Variants in REV3L observed in about 807,000 individuals in gnomAD.
REV3L encodes the protein DNA polymerase zeta catalytic subunit.
A neutral mutation model predicts 299.4 loss-of-function variants in REV3L; 69 were observed. That is an observed-to-expected ratio of 0.23 (90% CI 0.19 to 0.28). The LOEUF is 0.28. Among genes scored for constraint, REV3L ranks in the 10% least tolerant of loss-of-function variants. The pLI, the probability that REV3L is intolerant of heterozygous loss-of-function variation, is 1.00. For missense variants in REV3L, 3,128 were observed against 3,693.8 expected (o/e 0.85, Z 3.97); for synonymous variants, 1,238 against 1,271.4 (o/e 0.97, Z 0.56).
chr6:111,463,755 T>TATATGTGATTTCACTTAAAGTCACA (rs1791075061), intron 1 of REV3L, among the ~76,000 whole-genome samples: 1 of 152,196 alleles, frequency 6.6e-6, no homozygotes, highest in East Asian at 1.9e-4. Context: ...ACGGTTTCAT[T>TATATGTGATTTCACTTAAAGTCACA]ATATGTGATT....
At chr6:111,307,894 T>A (rs1249576553) in intron 30 of REV3L, 1 of 299,742 alleles carries the variant, frequency 3.3e-6, no homozygotes, top group Non-Finnish European at 6.4e-6. Context: ...CATCAACTCA[T>A]CATTTACATT....
chr6:111,391,327 A>C (rs1781908648), intron 5 of REV3L, among the ~76,000 whole-genome samples: 2 of 152,154 alleles, frequency 1.3e-5, no homozygotes, highest in Admixed American at 1.3e-4. Context: ...CGGCCTCCCA[A>C]AGTGCTGGAA....
rs1320595726 is a variant in REV3L, at chr6:111,333,375, G to A, written c.7681-8C>T. 1.2e-6 allele frequency: 2 copies of A among 1,611,870 alleles called. No homozygotes were observed. Among genetic ancestry groups the A allele is most frequent in the Admixed American group, 3.3e-5 (2 of 59,948 alleles). On this transcript the variant is annotated splice_region_variant and splice_polypyrimidine_tract_variant and intron_variant, in intron 22 of 31. Coordinates refer to ENST00000368802, the MANE Select transcript of REV3L (RefSeq NM_001372078.1). Reference sequence around the variant, plus strand: ...CATTGATTCCACACGGTACTGCAGGGAGAAAGGGAGGTGAGAAGAGAAGAA... The same window carrying A: ...CATTGATTCCACACGGTACTGCAGGAAGAAAGGGAGGTGAGAAGAGAAGAA...
chr6:111,382,598 A>G (rs1780941620), intron 9 of REV3L, among the ~76,000 whole-genome samples: 1 of 152,220 alleles, frequency 6.6e-6, no homozygotes, highest in Non-Finnish European at 1.5e-5. Context: ...CCTGAGTTGC[A>G]GCCAGCCTTA....
chr6:111,364,101 C>T lies in REV3L; in HGVS notation c.6754-123G>A, dbSNP rs1778967874. ...TTAGTAATAAATGGTAAACTAATATCATCTCTAAGTTCAAGAACAAACTGT... is the reference window on the plus strand; with the variant it reads ...TTAGTAATAAATGGTAAACTAATATTATCTCTAAGTTCAAGAACAAACTGT... On this transcript the variant is annotated intron_variant, in intron 15 of 31. Transcript: ENST00000368802. 3 of 1,290,314 alleles carry T rather than the reference C, an allele frequency of 2.3e-6. No homozygotes were observed. The East Asian group carries it at 7.4e-5, about 32-fold the overall frequency. The allele number at this position is 1,290,314 out of a possible 1,614,324, so 79.9% of individuals were successfully genotyped here.
intron 1 of REV3L, among the ~76,000 whole-genome samples, chr6:111,435,222 C>G (rs1787414050): frequency 6.6e-6 from 1 of 152,062 alleles, no homozygotes; most frequent in African/African-American, 2.4e-5. Context: ...AACAAAACAA[C>G]AAAACAATTC....
At chr6:111,304,942 CTT>C (rs748453480) in intron 31 of REV3L, among the ~76,000 whole-genome samples, 30 of 136,274 alleles carry the variant, frequency 2.2e-4, no homozygotes, top group East Asian at 4.2e-4. Flanking sequence ...GTTCTTTGTT[CTT>C]TTTTTTTTTT....
At chr6:111,396,110 T>C (rs1348052535) in intron 4 of REV3L, among the ~76,000 whole-genome samples, 13 of 152,188 alleles carry the variant, frequency 8.5e-5, no homozygotes, top group Admixed American at 8.5e-4. Context: ...TACTGTAACC[T>C]CCGCCTCCTG....
At chr6:111,359,237 A>G (rs1473329777) in intron 16 of REV3L, among the ~76,000 whole-genome samples, 2 of 152,116 alleles carry the variant, frequency 1.3e-5, no homozygotes, top group Non-Finnish European at 2.9e-5. Context: ...TCTGCTCTCA[A>G]TGACAATATT....
rs55902424 is a variant in REV3L, at chr6:111,397,944, A to C, written c.566-4972T>G. ...CGGCTCTAAAGTAAAGTTTAAATCCAATGTTTCTTTTTTGATTTTCTGTCT... is the reference window on the plus strand; with the variant it reads ...CGGCTCTAAAGTAAAGTTTAAATCCCATGTTTCTTTTTTGATTTTCTGTCT... On this transcript the variant is annotated intron_variant, in intron 4 of 31. Transcript: ENST00000368802. 1.6e-3 allele frequency among the ~76,000 whole-genome samples: 239 copies of C among 151,474 alleles called. 3 individuals carry two copies. Among genetic ancestry groups the C allele is most frequent in the African/African-American group, 5.2e-3 (215 of 41,408 alleles).
At chr6:111,352,512 G>A (rs1001605766) in intron 18 of REV3L, among the ~76,000 whole-genome samples, 3 of 152,032 alleles carry the variant, frequency 2.0e-5, no homozygotes, top group Non-Finnish European at 4.4e-5. Flanking sequence ...AGGTCATTGT[G>A]TTGCCACTTA....
At position 111,375,917 on chromosome 6, in the gene REV3L, T is replaced by A; in HGVS notation, c.2438A>T (p.Lys813Ile). The change falls in exon 13 of 32, where the codon AAA becomes ATA. Residue 813 changes from lysine (K) to isoleucine (I), a missense_variant. By Grantham distance (102) the Lys-to-Ile change is moderately radical. Around this residue, in one of 9 missense-constraint regions of REV3L, gnomAD observed 2,409 missense variants for 2,611.8 expected, o/e 0.92. Transcript: ENST00000368802. ...VLSNCLTRPQKLSPVTYKLQP... is the reference protein window; with the variant it reads ...VLSNCLTRPQILSPVTYKLQP... ...TAATTTATATGTGACAGGAGATAGTTTCTGTGGTCTAGTAAGACAGTTAGA... is the reference window on the plus strand; with the variant it reads ...TAATTTATATGTGACAGGAGATAGTATCTGTGGTCTAGTAAGACAGTTAGA... 6.2e-7 allele frequency: 1 copy of A among 1,614,038 alleles called. No individual in the cohort carries two copies. Among genetic ancestry groups the A allele is most frequent in the Non-Finnish European group, 8.5e-7 (1 of 1,179,920 alleles).
intron 1 of REV3L, among the ~76,000 whole-genome samples, chr6:111,453,218 T>G (rs139023961): frequency 9.9e-4 from 150 of 152,242 alleles, no homozygotes; most frequent in African/African-American, 3.5e-3. Flanking sequence ...TAGGTAAAAA[T>G]AAGACCCCAT....
intron 4 of REV3L, 45 bp from the exon 5 acceptor site, chr6:111,393,017 C>A: frequency 4.5e-6 from 6 of 1,327,132 alleles, no homozygotes; most frequent in Non-Finnish European, 2.1e-6. Flanking sequence ...TTTCAATTTT[C>A]ATATAATTAC....
intron 20 of REV3L, among the ~76,000 whole-genome samples, chr6:111,345,497 T>G (rs1055004482): frequency 2.6e-5 from 4 of 152,124 alleles, no homozygotes; most frequent in Non-Finnish European, 4.4e-5. Context: ...ATAAAGATAC[T>G]CCTTGATTCC....
At chr6:111,382,390 T>C (rs1316124779) in intron 9 of REV3L, among the ~76,000 whole-genome samples, 3 of 152,174 alleles carry the variant, frequency 2.0e-5, no homozygotes, top group Admixed American at 2.0e-4. Context: ...GAGAGAGAAA[T>C]CTGTGCTTAG....
intron 26 of REV3L, among the ~76,000 whole-genome samples, chr6:111,321,447 G>T (rs2114777863): frequency 6.6e-6 from 1 of 152,250 alleles, no homozygotes; most frequent in East Asian, 1.9e-4. Context: ...AACAAGTGGA[G>T]AACTTATTTT....
Position 111,364,085 on chromosome 6 carries a change from A to C in REV3L, c.6754-107T>G. The C allele has an allele frequency of 4.3e-6, 6 of 1,398,684 alleles. No individual in the cohort carries two copies. The South Asian group carries it at 8.9e-5, about 21-fold the overall frequency. The allele number at this position is 1,398,684 out of a possible 1,614,324, so 86.6% of individuals were successfully genotyped here. A position where few individuals can be genotyped will look rare whatever the true frequency, so the allele number is the denominator to read the frequency against. Reference sequence around the variant, plus strand: ...AATATGCTTTATGTGTTTAGTAATAAATGGTAAACTAATATCATCTCTAAG... The same window carrying C: ...AATATGCTTTATGTGTTTAGTAATACATGGTAAACTAATATCATCTCTAAG... On this transcript the variant is annotated intron_variant, in intron 15 of 31. Coordinates refer to ENST00000368802, the MANE Select transcript of REV3L (RefSeq NM_001372078.1).
At chr6:111,359,108 T>A in intron 16 of REV3L, 94 bp from the exon 17 acceptor site, 1 of 1,043,332 alleles carries the variant, frequency 9.6e-7, no homozygotes, top group South Asian at 2.3e-5. Context: ...GTATGTAAGA[T>A]TACAGAAAAA....
Sources: allele counts gnomAD v4.1 joint callset (sites outside exome capture counted in the v4.1 genomes callset), GRCh38; gene constraint gnomAD v4.1.1; regional missense constraint gnomAD v4.1.1; transcripts MANE v1.5; gene names NCBI Gene and HGNC (gene_info 2026-07-23, HGNC 2026-07-21).